Variants in ITGA2 observed in about 807,000 individuals in gnomAD.
ITGA2 encodes the protein integrin subunit alpha 2.
ITGA2 carries 101 observed loss-of-function variants against 146.3 expected under a neutral mutation model. That is an observed-to-expected ratio of 0.69 (90% CI 0.59 to 0.81). The LOEUF (loss-of-function observed/expected upper bound fraction) is 0.81. Among genes scored for constraint, ITGA2 ranks in the 40% least tolerant of loss-of-function variants. ITGA2 has a pLI of 0.00. For synonymous variants in ITGA2, 477 were observed against 487.1 expected (o/e 0.98, Z 0.27); for missense variants, 1,281 against 1,402.7 (o/e 0.91, Z 1.39).
chr5:53,083,568 A>C, intron 27 of ITGA2, 115 bp downstream of exon 27: 1 of 739,794 alleles, frequency 1.4e-6, no homozygotes. Context: ...GCAATGGCCA[A>C]ATAACCCAGA....
In ITGA2 at chr5:53,065,024, T is replaced by C. The variant is rs1275365926; in HGVS notation, c.1715T>C (p.Val572Ala). 1.2e-6 allele frequency: 2 copies of C among 1,612,912 alleles called. No homozygotes were observed. Among genetic ancestry groups the C allele is most frequent in the South Asian group, 1.1e-5 (1 of 91,074 alleles). The change falls in exon 14 of 30, where the codon GTG (valine) becomes GCG (alanine). Residue 572 changes from valine (V) to alanine (A), a missense_variant. Val to Ala is a moderately conservative substitution (Grantham distance 64). This residue lies in a region of ITGA2 where 795 missense variants were observed against 841.7 expected (regional missense o/e 0.94). Coordinates refer to ENST00000296585, the MANE Select transcript of ITGA2 (RefSeq NM_002203.4). ...ATCAACATGGATGGCTTTAATGATG[T>C]GATTGTTGGTTCACCACTAGAAAAT... The part of the protein sequence containing the change: ...SDINMDGFND[V>A]IVGSPLENQN...
At chr5:53,003,565 G>A (rs1291840341) in intron 1 of ITGA2, among the ~76,000 whole-genome samples, 1 of 152,098 alleles carries the variant, frequency 6.6e-6, no homozygotes, top group Non-Finnish European at 1.5e-5. Context: ...TTGCATGGTG[G>A]GTAGGGCACC....
At chr5:53,025,329 T>C (rs1396407855) in intron 1 of ITGA2, among the ~76,000 whole-genome samples, 2 of 152,206 alleles carry the variant, frequency 1.3e-5, no homozygotes, top group South Asian at 2.1e-4. Flanking sequence ...ATGGAGCATA[T>C]GAAAAATAGA....
intron 1 of ITGA2, among the ~76,000 whole-genome samples, chr5:53,014,822 T>G (rs908392177): frequency 3.3e-5 from 5 of 152,118 alleles, no homozygotes; most frequent in Non-Finnish European, 7.4e-5. Context: ...GGTTCAATAT[T>G]AAGAGGTTGT....
chr5:53,080,452 A>T, intron 24 of ITGA2, 59 bp from the exon 25 acceptor site: 1 of 1,358,148 alleles, frequency 7.4e-7, no homozygotes, highest in Non-Finnish European at 1.1e-6. Context: ...GTTACTGGTG[A>T]ATTTCCTTGC....
intron 1 of ITGA2, among the ~76,000 whole-genome samples, chr5:53,011,638 A>C (rs1393447693): frequency 6.6e-6 from 1 of 152,182 alleles, no homozygotes; most frequent in Non-Finnish European, 1.5e-5. Flanking sequence ...ATATAAGTAT[A>C]AAATATTTTC....
intron 28 of ITGA2, chr5:53,089,562 A>T (rs764359996): frequency 1.2e-4 from 24 of 202,662 alleles, no homozygotes; most frequent in Non-Finnish European, 1.9e-4. Flanking sequence ...AGTTGGGTTA[A>T]AGAGTTTCTT....
At position 53,058,066 on chromosome 5, in the gene ITGA2, C is replaced by G; in HGVS notation, c.1138C>G (p.Gln380Glu). 6.2e-7 allele frequency: 1 copy of G among 1,611,672 alleles called. No homozygotes were observed. The highest frequency in any genetic ancestry group is 8.5e-7 in the Non-Finnish European group (1 of 1,178,354). The change falls in exon 10 of 30, where the codon CAA becomes GAA. Residue 380 changes from glutamine to glutamate, a missense_variant. This residue lies in a region of ITGA2 where 795 missense variants were observed against 841.7 expected (regional missense o/e 0.94). Coordinates refer to ENST00000296585, the MANE Select transcript of ITGA2 (RefSeq NM_002203.4). ...AGACAACTTTCAGATGGAAATGTCA[C>G]AAGTGGGATTCAGTGCAGATTACTC... ...GGDNFQMEMS[Q>E]VGFSADYSSQ...
In ITGA2 at chr5:52,991,538, A is replaced by T. The variant is rs1740954903; in HGVS notation, c.64+2006A>T. Among the ~76,000 whole-genome samples, 5 of 152,280 alleles carry T rather than the reference A, an allele frequency of 3.3e-5. No homozygotes were observed. The South Asian group carries it at 1.0e-3, about 32-fold the overall frequency. On this transcript the variant is annotated intron_variant, in intron 1 of 29. Transcript: ENST00000296585. ...CAGAGCTTCATTATGATGATCTTAA[A>T]TTAAGAGAAAACCTGTTCCTTGAGT...
At chr5:53,068,457 C>T (rs1302951895) in intron 16 of ITGA2, among the ~76,000 whole-genome samples, 1 of 151,876 alleles carries the variant, frequency 6.6e-6, no homozygotes, top group Non-Finnish European at 1.5e-5. Flanking sequence ...GCAAACTGGT[C>T]AGCTCTTCTG....
At chr5:53,024,467 G>T (rs1018099828) in intron 1 of ITGA2, among the ~76,000 whole-genome samples, 4 of 152,082 alleles carry the variant, frequency 2.6e-5, no homozygotes, top group African/African-American at 9.7e-5. Flanking sequence ...AATCCTAGGT[G>T]CTGAGAAAGT....
Position 53,067,137 on chromosome 5 carries a change from G to A in ITGA2, c.1963G>A (p.Val655Ile), listed in dbSNP as rs902829207. The A allele has an allele frequency of 7.5e-6, 12 of 1,610,690 alleles. No individual in the cohort carries two copies. The highest frequency in any genetic ancestry group is 2.2e-5 in the South Asian group (2 of 91,046). The change falls in exon 16 of 30, where the codon GTA (valine) becomes ATA (isoleucine). Residue 655 changes from valine (V) to isoleucine (I), a missense_variant. Val to Ile is a conservative substitution (Grantham distance 29). Around this residue, in one of 3 missense-constraint regions of ITGA2, gnomAD observed 795 missense variants for 841.7 expected, o/e 0.94. Coordinates refer to ENST00000296585, the MANE Select transcript of ITGA2 (RefSeq NM_002203.4). ...TTTTAGGTCACAAAGTATTGCTGAT[G>A]TAGCTATAGAAGCTTCATTCACACC... ...VQLWSQSIADVAIEASFTPEK... is the reference protein window; with the variant it reads ...VQLWSQSIADIAIEASFTPEK...
chr5:53,009,750 G>A (rs539299423), intron 1 of ITGA2, among the ~76,000 whole-genome samples: 5 of 152,226 alleles, frequency 3.3e-5, no homozygotes, highest in Admixed American at 2.0e-4. Flanking sequence ...CCAGTGTGAT[G>A]GCATTTGGAG....
At position 53,083,401 on chromosome 5, in the gene ITGA2, G is replaced by T. The variant is rs184507431; in HGVS notation, c.3206G>T (p.Gly1069Val). 1 of 1,613,552 alleles carries T rather than the reference G, an allele frequency of 6.2e-7. No homozygotes were observed. The highest frequency in any genetic ancestry group is 1.7e-5 in the Admixed American group (1 of 59,996). The change falls in exon 27 of 30, where the codon GGA (glycine) becomes GTA (valine). Residue 1069 changes from glycine (G) to valine (V), a missense_variant. This residue lies in a region of ITGA2 where 475 missense variants were observed against 530.5 expected (regional missense o/e 0.90). Coordinates refer to ENST00000296585, the MANE Select transcript of ITGA2 (RefSeq NM_002203.4). ...TCWLKDVHMK[G>V]EYFVNVTTRI... ...TGGTTGAAAGACGTTCACATGAAAGGAGAATACTTTGTTAATGTGACTACC... is the reference window on the plus strand; with the variant it reads ...TGGTTGAAAGACGTTCACATGAAAGTAGAATACTTTGTTAATGTGACTACC...
At position 53,067,232 on chromosome 5, in the gene ITGA2, AC is replaced by A. The variant is rs757685080; in HGVS notation, c.2060del (p.Pro687LeufsTer25). The A allele has an allele frequency of 1.9e-6, 3 of 1,611,660 alleles. No homozygotes were observed. In the South Asian group the frequency reaches 3.3e-5, roughly 18 times the overall value. On this transcript the variant is annotated frameshift_variant, in exon 16 of 30. Coordinates refer to ENST00000296585, the MANE Select transcript of ITGA2 (RefSeq NM_002203.4). LOFTEE classifies it high-confidence loss of function. Reference protein sequence around the residue: ...LKLCFSAKFRPTKQNNQVAIV... With the variant: ...LKLCFSAKFRXTKQNNQVAIV... ...AACTCTGCTTCAGTGCAAAGTTCAGACCTACTAAGCAAAACAATCAAGTGGG... is the reference window on the plus strand; with the variant it reads ...AACTCTGCTTCAGTGCAAAGTTCAGACTACTAAGCAAAACAATCAAGTGGG...
chr5:53,085,357 G>A (rs1171823019), intron 27 of ITGA2, among the ~76,000 whole-genome samples: 1 of 152,152 alleles, frequency 6.6e-6, no homozygotes, highest in Non-Finnish European at 1.5e-5. Context: ...TAGCAGGTGC[G>A]TTACTTCACT....
rs898072299 is a variant in ITGA2 at position 53,091,802 on chromosome 5, T to A, written c.*1203T>A. ...AACAAGTAAGAAAAATAAGCTCGAGTGAATTTCTAAATGTTGGAATGTTAT... is the reference window on the plus strand; with the variant it reads ...AACAAGTAAGAAAAATAAGCTCGAGAGAATTTCTAAATGTTGGAATGTTAT... On this transcript the variant is annotated 3_prime_UTR_variant, in exon 30 of 30. Coordinates refer to ENST00000296585, the MANE Select transcript of ITGA2 (RefSeq NM_002203.4). 2.6e-5 allele frequency: 4 copies of A among 152,084 alleles called. No homozygotes were observed. The highest frequency in any genetic ancestry group is 5.9e-5 in the Non-Finnish European group (4 of 68,024). 9.4% of individuals were successfully genotyped at this position (152,084 alleles called of 1,614,324 possible). A position where few individuals can be genotyped will look rare whatever the true frequency, so the allele number is the denominator to read the frequency against.
rs1740574611 is a variant in ITGA2, at chr5:53,093,983, A to C, written c.*3384A>C. Reference sequence around the variant, plus strand: ...TTACCTATTAAAACTGTGAAGAGTAAAACTAAAGCCAATTTATTATAGTCA... The same window carrying C: ...TTACCTATTAAAACTGTGAAGAGTACAACTAAAGCCAATTTATTATAGTCA... On this transcript the variant is annotated 3_prime_UTR_variant, in exon 30 of 30. Coordinates refer to ENST00000296585, the MANE Select transcript of ITGA2 (RefSeq NM_002203.4). The C allele has an allele frequency of 6.6e-6, 1 of 152,418 alleles. No individual in the cohort carries two copies. Among genetic ancestry groups the C allele is most frequent in the Non-Finnish European group, 1.5e-5 (1 of 67,984 alleles). The allele number at this position is 152,418 out of a possible 1,614,324, so 9.4% of individuals were successfully genotyped here.
chr5:52,999,805 T>C (rs1470760723), intron 1 of ITGA2, among the ~76,000 whole-genome samples: 1 of 152,206 alleles, frequency 6.6e-6, no homozygotes, highest in African/African-American at 2.4e-5. Flanking sequence ...TCAGCAGATA[T>C]GTAGGTGTGT....
Sources: allele counts gnomAD v4.1 joint callset (sites outside exome capture counted in the v4.1 genomes callset), GRCh38; gene constraint gnomAD v4.1.1; regional missense constraint gnomAD v4.1.1; transcripts MANE v1.5; gene names NCBI Gene and HGNC (gene_info 2026-07-23, HGNC 2026-07-21).